USP14: variants seen among roughly 807,000 people sequenced by gnomAD.
USP14 encodes the protein ubiquitin specific peptidase 14.
Under a neutral mutation model 76.5 loss-of-function variants are expected in USP14, and 38 were observed. The observed-to-expected ratio is 0.50, with a 90% CI of 0.38 to 0.65. USP14 has a LOEUF of 0.65. Ranked by LOEUF, USP14 falls within the 30% of genes least tolerant of loss-of-function variation. USP14 has a pLI of 0.00. For missense variants in USP14, 467 were observed against 586.5 expected, an observed-to-expected ratio of 0.80 and a Z score of 2.10; for synonymous variants, 192 against 191.7, an observed-to-expected ratio of 1.00 and a Z score of -0.01.
At chr18:181,276 A>G (rs1430812356) in intron 5 of USP14, among the ~76,000 whole-genome samples, 2 of 152,192 alleles carry the variant, frequency 1.3e-5, no homozygotes, top group Non-Finnish European at 2.9e-5. Context: ...AGGAACTGCC[A>G]CAATGATTTT....
intron 5 of USP14, among the ~76,000 whole-genome samples, chr18:183,074 T>TA (rs1253134339): frequency 6.6e-6 from 1 of 152,208 alleles, no homozygotes; most frequent in South Asian, 2.1e-4. Context: ...TAATTTTGCT[T>TA]AAAAAATTGC....
chr18:189,237 C>T (rs1423373439), intron 5 of USP14, among the ~76,000 whole-genome samples: 1 of 151,838 alleles, frequency 6.6e-6, no homozygotes. Context: ...TTTGAGTTGT[C>T]TGATTCATCC....
intron 5 of USP14, among the ~76,000 whole-genome samples, chr18:190,920 T>G (rs574569358): frequency 3.3e-5 from 5 of 152,244 alleles, no homozygotes; most frequent in African/African-American, 1.2e-4. Context: ...TGCTCTAATA[T>G]GGGAATTTTT....
At chr18:180,693 C>T (rs1038372774) in intron 5 of USP14, among the ~76,000 whole-genome samples, 8 of 152,284 alleles carry the variant, frequency 5.3e-5, no homozygotes, top group South Asian at 4.1e-4. Context: ...GGCCTTTTTG[C>T]GGCTAACTTC....
intron 10 of USP14, among the ~76,000 whole-genome samples, chr18:201,549 G>A (rs1471419672): frequency 3.3e-5 from 5 of 152,218 alleles, no homozygotes; most frequent in Non-Finnish European, 7.3e-5. Flanking sequence ...TTTTGAGCCA[G>A]TGTGGATATG....
chr18:207,982 T>C (rs1314276823), intron 13 of USP14, among the ~76,000 whole-genome samples: 1 of 152,134 alleles, frequency 6.6e-6, no homozygotes, highest in Non-Finnish European at 1.5e-5. Context: ...ATTAGTGTTT[T>C]GAAGAGATTA....
chr18:206,915 G>A (rs141056357), intron 13 of USP14, among the ~76,000 whole-genome samples: 3 of 152,198 alleles, frequency 2.0e-5, no homozygotes, highest in East Asian at 1.9e-4. Context: ...AGATTTATAC[G>A]TATGTTTTTT....
At chr18:168,444 C>CT (rs888334021) in intron 3 of USP14, among the ~76,000 whole-genome samples, 1 of 151,468 alleles carries the variant, frequency 6.6e-6, no homozygotes, top group African/African-American at 2.4e-5. Flanking sequence ...CAAATGACTT[C>CT]TTTTTTTTGA....
intron 13 of USP14, among the ~76,000 whole-genome samples, chr18:209,019 C>T (rs1910601764): frequency 6.6e-6 from 1 of 152,150 alleles, no homozygotes; most frequent in Non-Finnish European, 1.5e-5. Flanking sequence ...CTATACCCGG[C>T]CTAAATTATA....
In USP14 at chr18:180,293, G is replaced by A. The variant is rs1410736143; in HGVS notation, c.358G>A (p.Val120Ile). 2 of 1,588,756 alleles carry A rather than the reference G, an allele frequency of 1.3e-6. No individual in the cohort carries two copies. Among genetic ancestry groups the A allele is most frequent in the African/African-American group, 1.4e-5 (1 of 72,742 alleles). The change falls in exon 5 of 16, where the codon GTT (valine) becomes ATT (isoleucine). Residue 120 changes from valine to isoleucine, a missense_variant. By Grantham distance (29) the Val-to-Ile change is conservative. Transcript: ENST00000261601. ...LGNTCYMNAT[V>I]QCIRSVPELK... ...TAACACTTGTTACATGAATGCCACA[G>A]TTCAGTGTATTCGTTCTGTGCCTGA...
intron 3 of USP14, among the ~76,000 whole-genome samples, chr18:173,142 C>T (rs1198216469): frequency 7.3e-5 from 11 of 151,376 alleles, no homozygotes; most frequent in African/African-American, 2.4e-4. Context: ...GGAGTCTCAC[C>T]CTGTTGCCCA....
chr18:159,669 A>T (rs1909061874), intron 1 of USP14, among the ~76,000 whole-genome samples: 1 of 152,158 alleles, frequency 6.6e-6, no homozygotes. Context: ...ATTCTTAATG[A>T]TTGCCCAACC....
intron 7 of USP14, 133 bp from the exon 8 acceptor site, chr18:197,483 G>GT (rs1225545244): frequency 2.2e-5 from 14 of 632,498 alleles, no homozygotes; most frequent in African/African-American, 1.6e-4. Context: ...TTGGAAGATC[G>GT]TATGTCTTAT....
intron 3 of USP14, among the ~76,000 whole-genome samples, chr18:171,049 TATATATAA>T (rs1266137451): frequency 2.0e-4 from 27 of 132,120 alleles, no homozygotes; most frequent in African/African-American, 7.8e-4. Flanking sequence ...TATATATATA[TATATATAA>T]ACTGAAGCTA....
intron 2 of USP14, among the ~76,000 whole-genome samples, chr18:164,957 T>A (rs944073218): frequency 2.0e-5 from 3 of 152,044 alleles, no homozygotes; most frequent in African/African-American, 4.8e-5. Flanking sequence ...ATTATTATTA[T>A]TTTTTTTGGG....
At chr18:178,814 A>T in intron 3 of USP14, 119 bp from the exon 4 acceptor site, 1 of 666,358 alleles carries the variant, frequency 1.5e-6, no homozygotes, top group Non-Finnish European at 2.5e-6. Flanking sequence ...CTGCAGATTT[A>T]CTTTTTTTGG....
intron 15 of USP14, 90 bp downstream of exon 15, chr18:210,583 G>A: frequency 1.1e-6 from 1 of 891,768 alleles, no homozygotes; most frequent in Non-Finnish European, 1.6e-6. Flanking sequence ...CAAACTTTGG[G>A]TCTCAGAACC....
chr18:186,699 C>T (rs964652356), intron 5 of USP14, among the ~76,000 whole-genome samples: 5 of 151,894 alleles, frequency 3.3e-5, no homozygotes, highest in Non-Finnish European at 4.4e-5. Flanking sequence ...CTGCAGTGAG[C>T]CGAGATTGCA....
intron 3 of USP14, among the ~76,000 whole-genome samples, chr18:167,181 A>G (rs1598263116): frequency 6.6e-6 from 1 of 152,058 alleles, no homozygotes; most frequent in East Asian, 1.9e-4. Flanking sequence ...AGGCAGAGGC[A>G]GGAGGCAGGA....
Sources: allele counts gnomAD v4.1 joint callset (sites outside exome capture counted in the v4.1 genomes callset), GRCh38; gene constraint gnomAD v4.1.1; transcripts MANE v1.5; gene names NCBI Gene and HGNC (gene_info 2026-07-23, HGNC 2026-07-21).